Variants in TCF7L2 observed in about 807,000 individuals in gnomAD.
TCF7L2 encodes the protein transcription factor 7 like 2.
TCF7L2 carries 23 observed loss-of-function variants against 77.9 expected under a neutral mutation model. The ratio of observed to expected loss-of-function variants is 0.30; its 90% CI spans 0.21 to 0.42. The LOEUF is 0.42. Among genes scored for constraint, TCF7L2 ranks in the 10% least tolerant of loss-of-function variants. The pLI is 1.00. For synonymous variants in TCF7L2, 413 were observed against 340.2 expected (o/e 1.21, Z -2.36); for missense variants, 654 against 793.1 (o/e 0.82, Z 2.11).
At chr10:112,980,684 G>C (rs2040309646) in intron 4 of TCF7L2, among the ~76,000 whole-genome samples, 1 of 151,502 alleles carries the variant, frequency 6.6e-6, no homozygotes, top group South Asian at 2.1e-4. Context: ...ATGGAGTGCA[G>C]TGGCACGATC....
At chr10:113,042,914 C>T (rs573414131) in intron 5 of TCF7L2, among the ~76,000 whole-genome samples, 5 of 152,222 alleles carry the variant, frequency 3.3e-5, no homozygotes, top group African/African-American at 9.6e-5. Flanking sequence ...GGGTCTGGTT[C>T]GTGTTTAGAG....
chr10:113,001,388 C>A (rs2044450382), intron 4 of TCF7L2, among the ~76,000 whole-genome samples: 1 of 152,148 alleles, frequency 6.6e-6, no homozygotes, highest in Admixed American at 6.5e-5. Context: ...TAAGTAGAAC[C>A]CCAGCCAGCC....
At chr10:113,109,358 G>T (rs1564906546) in intron 5 of TCF7L2, among the ~76,000 whole-genome samples, 1 of 152,130 alleles carries the variant, frequency 6.6e-6, no homozygotes, top group Non-Finnish European at 1.5e-5. Flanking sequence ...GTCCCAGTAA[G>T]GGTGTGGGAT....
At chr10:113,043,849 G>T (rs2134352545) in intron 5 of TCF7L2, among the ~76,000 whole-genome samples, 1 of 152,166 alleles carries the variant, frequency 6.6e-6, no homozygotes, top group African/African-American at 2.4e-5. Context: ...GTCAGTCTTG[G>T]CTGGTAAGCT....
chr10:112,990,183 A>G (rs920815569), intron 4 of TCF7L2, among the ~76,000 whole-genome samples: 2 of 152,178 alleles, frequency 1.3e-5, no homozygotes, highest in African/African-American at 4.8e-5. Flanking sequence ...GGGGACCAGG[A>G]GTGTTTTATT....
chr10:112,970,570 G>A (rs902925381), intron 4 of TCF7L2, among the ~76,000 whole-genome samples: 1 of 152,008 alleles, frequency 6.6e-6, no homozygotes, highest in Admixed American at 6.6e-5. Flanking sequence ...TTGACACAGA[G>A]TCTATGTCTG....
At chr10:113,144,413 C>T (rs2068947330) in intron 7 of TCF7L2, among the ~76,000 whole-genome samples, 1 of 152,138 alleles carries the variant, frequency 6.6e-6, no homozygotes, top group South Asian at 2.1e-4. Flanking sequence ...GCAGTCATGT[C>T]ATTGGGTTGA....
chr10:113,008,510 A>G (rs953208348), intron 4 of TCF7L2, among the ~76,000 whole-genome samples: 3 of 152,214 alleles, frequency 2.0e-5, no homozygotes, highest in African/African-American at 2.4e-5. Flanking sequence ...CCTTATCGCT[A>G]TAACGCCTTC....
At chr10:113,089,925 C>T (rs2060197961) in intron 5 of TCF7L2, among the ~76,000 whole-genome samples, 1 of 152,178 alleles carries the variant, frequency 6.6e-6, no homozygotes, top group Non-Finnish European at 1.5e-5. Flanking sequence ...GGAGAAGTTA[C>T]CACCTCAACT....
chr10:113,082,177 ATAATGT>A (rs2059378721), intron 5 of TCF7L2, among the ~76,000 whole-genome samples: 1 of 150,554 alleles, frequency 6.6e-6, no homozygotes, highest in Non-Finnish European at 1.5e-5. Flanking sequence ...TCAAGTTCAG[ATAATGT>A]TAAGGTTAAC....
At chr10:112,980,235 G>C (rs2040226971) in intron 4 of TCF7L2, among the ~76,000 whole-genome samples, 1 of 152,240 alleles carries the variant, frequency 6.6e-6, no homozygotes, top group Non-Finnish European at 1.5e-5. Flanking sequence ...TTGCGGGTTA[G>C]AATGGCCAGT....
At chr10:113,072,829 C>T (rs1027915505) in intron 5 of TCF7L2, among the ~76,000 whole-genome samples, 1 of 152,148 alleles carries the variant, frequency 6.6e-6, no homozygotes, top group Admixed American at 6.5e-5. Context: ...TGTTTCTTGC[C>T]TGCCTTTTGG....
At chr10:113,050,342 C>T (rs1235539212) in intron 5 of TCF7L2, among the ~76,000 whole-genome samples, 2 of 152,146 alleles carry the variant, frequency 1.3e-5, no homozygotes, top group Non-Finnish European at 2.9e-5. Context: ...AAGCTGAGAG[C>T]GGTACAGCCT....
Position 113,151,713 on chromosome 10 carries a change from G to A in TCF7L2, c.1002-12G>A, listed in dbSNP as rs770592410. 6.3e-6 allele frequency: 10 copies of A among 1,577,512 alleles called. No homozygotes were observed. The highest frequency in any genetic ancestry group is 2.0e-5 in the Admixed American group (1 of 50,312). Reference sequence around the variant, plus strand: ...TTGTTTATTGGGTTGCGTCTGTTTTGTCTATCTCCAGAAAGCATCAGGACT... The same window carrying A: ...TTGTTTATTGGGTTGCGTCTGTTTTATCTATCTCCAGAAAGCATCAGGACT... On this transcript the variant is annotated splice_polypyrimidine_tract_variant and intron_variant, in intron 9 of 13. Coordinates refer to ENST00000627217, the MANE Select transcript of TCF7L2 (RefSeq NM_001146274.2). This position sits in a 1 kb window ranked among gnomAD's most constrained non-coding sequence, Gnocchi z 5.2.
intron 6 of TCF7L2, 41 bp from the exon 7 acceptor site, chr10:113,143,882 C>G (rs778224939): frequency 1.3e-6 from 2 of 1,517,308 alleles, no homozygotes; most frequent in Non-Finnish European, 1.8e-6. Flanking sequence ...CTCTTTCCTT[C>G]TCTCCCTCCT....
chr10:113,004,039 A>AC (rs540580539), intron 4 of TCF7L2, among the ~76,000 whole-genome samples: 1 of 152,314 alleles, frequency 6.6e-6, no homozygotes, highest in African/African-American at 2.4e-5. Flanking sequence ...GACTGAAGAA[A>AC]CAGAGCCCTA....
chr10:113,039,901 T>C, intron 4 of TCF7L2, 124 bp from the exon 5 acceptor site: 1 of 772,286 alleles, frequency 1.3e-6, no homozygotes, highest in Non-Finnish European at 2.1e-6. Context: ...TTTTTAATGA[T>C]TATTTGCATG....
At chr10:113,020,073 G>A (rs1192677242) in intron 4 of TCF7L2, among the ~76,000 whole-genome samples, 1 of 152,184 alleles carries the variant, frequency 6.6e-6, no homozygotes, top group Non-Finnish European at 1.5e-5. Flanking sequence ...GGAAAGTGCT[G>A]TGGCCCGAGG....
At chr10:113,099,538 G>A (rs746991625) in intron 5 of TCF7L2, among the ~76,000 whole-genome samples, 3 of 152,190 alleles carry the variant, frequency 2.0e-5, no homozygotes, top group African/African-American at 7.2e-5. Context: ...CTTCCTGGCT[G>A]TTGTTCAGAG....
Sources: allele counts gnomAD v4.1 joint callset (sites outside exome capture counted in the v4.1 genomes callset), GRCh38; gene constraint gnomAD v4.1.1; non-coding constraint Gnocchi (gnomAD v3.1); transcripts MANE v1.5; gene names NCBI Gene and HGNC (gene_info 2026-07-23, HGNC 2026-07-21).